The following BCKDHA variants were observed in gnomAD, a reference collection of about 807,000 sequenced individuals.
BCKDHA encodes the protein 2-oxoisovalerate dehydrogenase subunit alpha, mitochondrial.
A neutral mutation model predicts 52.2 loss-of-function variants in BCKDHA; 43 were observed. The observed-to-expected ratio is 0.82, with a 90% confidence interval of 0.64 to 1.06. The LOEUF (loss-of-function observed/expected upper bound fraction) is 1.06. Ranked by LOEUF, BCKDHA falls within the 50% of genes least tolerant of loss-of-function variation. BCKDHA has a pLI of 0.00. For synonymous variants in BCKDHA, 234 were observed against 247.9 expected, an observed-to-expected ratio of 0.94 and a Z score of 0.53; for missense variants, 527 against 621.3, an observed-to-expected ratio of 0.85 and a Z score of 1.61.
intron 3 of BCKDHA, 145 bp from the exon 4 acceptor site, chr19:41,413,904 A>G: frequency 1.4e-6 from 1 of 732,986 alleles, no homozygotes; most frequent in Non-Finnish European, 2.4e-6. Context: ...TAAAGGCAGG[A>G]ACCCCAGCAT....
At chr19:41,398,504 T>A (rs1172166403) in intron 1 of BCKDHA, among the ~76,000 whole-genome samples, 1 of 152,202 alleles carries the variant, frequency 6.6e-6, no homozygotes, top group Non-Finnish European at 1.5e-5. Context: ...ATTCGTGTGT[T>A]CTGGACACTG....
rs137852876 is a variant in BCKDHA, at chr19:41,422,309, C to G, written c.792C>G (p.Cys264Trp). 6.2e-7 allele frequency: 1 copy of G among 1,614,206 alleles called. No individual in the cohort carries two copies. Among genetic ancestry groups the G allele is most frequent in the Middle Eastern group, 1.6e-4 (1 of 6,062 alleles). Residue 264 changes from cysteine to tryptophan, a missense_variant, in exon 6 of 9, where the codon TGC (cysteine) becomes TGG (tryptophan). Transcript: ENST00000269980. ...TTGAGTGCCCCATCATCTTCTTCTG[C>G]CGGAACAATGGCTACGCCATCTCCA... ...ATLECPIIFF[C>W]RNNGYAISTP...
chr19:41,420,143 A>G (rs569179732), intron 5 of BCKDHA, among the ~76,000 whole-genome samples: 1 of 152,236 alleles, frequency 6.6e-6, no homozygotes, highest in African/African-American at 2.4e-5. Flanking sequence ...CACCCCATTC[A>G]GGGGCCTGAA....
At chr19:41,403,449 G>A (rs1314873181) in intron 1 of BCKDHA, among the ~76,000 whole-genome samples, 1 of 152,204 alleles carries the variant, frequency 6.6e-6, no homozygotes, top group East Asian at 1.9e-4. Context: ...GCACATAGGT[G>A]TAAATAAAGT....
At chr19:41,416,409 C>T (rs1012593762) in intron 4 of BCKDHA, among the ~76,000 whole-genome samples, 6 of 152,224 alleles carry the variant, frequency 3.9e-5, no homozygotes, top group African/African-American at 1.4e-4. Flanking sequence ...CAAGCATTAC[C>T]ATCAACTCTA....
At chr19:41,409,678 C>T (rs2039230474) in intron 1 of BCKDHA, among the ~76,000 whole-genome samples, 1 of 151,838 alleles carries the variant, frequency 6.6e-6, no homozygotes. Flanking sequence ...CTTTGCTGAA[C>T]ATTTTATTCA....
At chr19:41,421,374 C>T (rs2039362271) in intron 5 of BCKDHA, among the ~76,000 whole-genome samples, 1 of 152,104 alleles carries the variant, frequency 6.6e-6, no homozygotes, top group South Asian at 2.1e-4. Context: ...TAGGGAGCAG[C>T]CAAGCCAGCC....
rs748005370 is a variant in BCKDHA, at chr19:41,422,988, C to T, written c.996-10C>T. Reference sequence around the variant, plus strand: ...CCCACACTGACCTGGGGCCCCTTGCCCCTGTGCAGGATCGGGCACCACAGC... The same window carrying T: ...CCCACACTGACCTGGGGCCCCTTGCTCCTGTGCAGGATCGGGCACCACAGC... On this transcript the variant is annotated splice_polypyrimidine_tract_variant and intron_variant, in intron 7 of 8. Transcript: ENST00000269980. 76 of 1,607,964 alleles carry T rather than the reference C, an allele frequency of 4.7e-5. No individual in the cohort carries two copies. The highest frequency in any genetic ancestry group is 6.5e-5 in the Non-Finnish European group (76 of 1,177,410).
intron 3 of BCKDHA, 116 bp from the exon 4 acceptor site, chr19:41,413,933 C>G (rs1239422360): frequency 5.6e-6 from 5 of 887,922 alleles, no homozygotes; most frequent in Non-Finnish European, 9.4e-6. Context: ...CCAGGACTGG[C>G]CTTCAGGAGG....
chr19:41,407,706 C>T (rs2039208314), intron 1 of BCKDHA, among the ~76,000 whole-genome samples: 1 of 152,194 alleles, frequency 6.6e-6, no homozygotes, highest in South Asian at 2.1e-4. Context: ...TTGTTCACTG[C>T]AGTTAAAGGA....
chr19:41,412,423 T>C (rs1172210387), intron 3 of BCKDHA, among the ~76,000 whole-genome samples: 4 of 147,814 alleles, frequency 2.7e-5, no homozygotes, highest in Admixed American at 2.7e-4. Flanking sequence ...GTTTTGCTCT[T>C]GTTGCCCAGG....
At chr19:41,424,090 C>T (rs552500260) in intron 8 of BCKDHA, among the ~76,000 whole-genome samples, 10 of 152,118 alleles carry the variant, frequency 6.6e-5, no homozygotes, top group Non-Finnish European at 1.5e-4. Context: ...CTGGCCCGGT[C>T]ATTAGGACCC....
At chr19:41,412,040 A>C (rs1469161407) in intron 3 of BCKDHA, among the ~76,000 whole-genome samples, 1 of 152,200 alleles carries the variant, frequency 6.6e-6, no homozygotes, top group Non-Finnish European at 1.5e-5. Context: ...GGTGTCCCTC[A>C]GGGTGCTGGC....
chr19:41,423,176 G>C lies in BCKDHA; in HGVS notation c.1167+7G>C. ...GAAGCAGTCCCGCAGGAAGGTGAGG[G>C]TGCCCCGCCCGGGAGGGTGTGCTGG... On this transcript the variant is annotated splice_region_variant and intron_variant, in intron 8 of 8. Coordinates refer to ENST00000269980, the MANE Select transcript of BCKDHA (RefSeq NM_000709.4). The C allele has an allele frequency of 1.3e-6, 2 of 1,551,786 alleles. No individual in the cohort carries two copies. The highest frequency in any genetic ancestry group is 1.7e-6 in the Non-Finnish European group (2 of 1,147,886).
At position 41,422,788 on chromosome 19, in the gene BCKDHA, C is replaced by G; in HGVS notation, c.995+18C>G. ...ACCTACAGGTGCCTGCCGCTCCCCCCGTCAGCACCCCCACAGCACTGACAG... is the reference window on the plus strand; with the variant it reads ...ACCTACAGGTGCCTGCCGCTCCCCCGGTCAGCACCCCCACAGCACTGACAG... On this transcript the variant is annotated intron_variant, in intron 7 of 8. Transcript: ENST00000269980. 4.3e-6 allele frequency: 7 copies of G among 1,612,704 alleles called. No homozygotes were observed. The highest frequency in any genetic ancestry group is 5.9e-6 in the Non-Finnish European group (7 of 1,179,972).
At position 41,410,973 on chromosome 19, in the gene BCKDHA, C is replaced by T. The variant is rs747299996; in HGVS notation, c.339C>T (p.Asn113=). The T allele has an allele frequency of 2.5e-6, 4 of 1,614,170 alleles. No individual in the cohort carries two copies. The highest frequency in any genetic ancestry group is 2.2e-5 in the South Asian group (2 of 91,090). The part of the protein sequence containing the change: ...LKLYKSMTLL[N]TMDRILYESQ... The stretch of plus-strand genomic sequence containing the variant: ...TCTACAAGAGCATGACACTGCTTAA[C>T]ACCATGGACCGCATCCTCTATGAGT... The change falls in exon 3 of 9, where the codon AAC becomes AAT. Residue 113 remains asparagine (N), a synonymous_variant. Coordinates refer to ENST00000269980, the MANE Select transcript of BCKDHA (RefSeq NM_000709.4).
chr19:41,397,857 C>A lies in BCKDHA; in HGVS notation c.30C>A (p.Val10=). 6.2e-7 allele frequency: 1 copy of A among 1,614,194 alleles called. No homozygotes were observed. The highest frequency in any genetic ancestry group is 1.7e-5 in the Admixed American group (1 of 60,010). The change falls in exon 1 of 9, where the codon GTC becomes GTA. Residue 10 remains valine (V), a synonymous_variant. Transcript: ENST00000269980. MAVAIAAAR[V]WRLNRGLSQA... is the part of the protein sequence containing the mutation. ...CGGTAGCGATCGCTGCAGCGAGGGT[C>A]TGGCGGCTAAACCGTGGTTTGAGCC...
chr19:41,413,614 G>T (rs1485695492), intron 3 of BCKDHA, among the ~76,000 whole-genome samples: 1 of 152,178 alleles, frequency 6.6e-6, no homozygotes, highest in Non-Finnish European at 1.5e-5. Flanking sequence ...CTGTCGGCAG[G>T]TTACCACTAT....
At chr19:41,399,471 A>C (rs1233543980) in intron 1 of BCKDHA, 1 of 151,590 alleles carries the variant, frequency 6.6e-6, no homozygotes, top group Non-Finnish European at 1.5e-5. Context: ...TGGCTGATTA[A>C]ATCTTTCTCT....
Sources: allele counts gnomAD v4.1 joint callset (sites outside exome capture counted in the v4.1 genomes callset), GRCh38; gene constraint gnomAD v4.1.1; transcripts MANE v1.5; gene names NCBI Gene and HGNC (gene_info 2026-07-23, HGNC 2026-07-21).